RSPO4: variants seen among roughly 807,000 people sequenced by gnomAD.
RSPO4 encodes the protein R-spondin 4.
Under a neutral mutation model 24.8 loss-of-function variants are expected in RSPO4, and 23 were observed. That is an observed-to-expected ratio of 0.93 (90% CI 0.67 to 1.31). The LOEUF (loss-of-function observed/expected upper bound fraction) is 1.31, where lower values mean the gene tolerates loss of function less well. Among genes scored for constraint, RSPO4 ranks in the 40% most tolerant of loss-of-function variants. The probability of loss-of-function intolerance (pLI) is 0.00; values close to 1 mark genes in which losing one functional copy is unlikely to be tolerated. For missense variants in RSPO4, 333 were observed against 316.5 expected, an observed-to-expected ratio of 1.05 and a Z score of -0.39; for synonymous variants, 141 against 127.4, an observed-to-expected ratio of 1.11 and a Z score of -0.72.
At chr20:1,001,173 G>C (rs1985450519) in intron 1 of RSPO4, among the ~76,000 whole-genome samples, 1 of 152,198 alleles carries the variant, frequency 6.6e-6, no homozygotes, top group Admixed American at 6.5e-5. Flanking sequence ...GATGAGCTAG[G>C]ACATGAAAAA....
In RSPO4 at chr20:981,106, T is replaced by A. The variant is rs1339255785; in HGVS notation, c.80-12968A>T. Among the ~76,000 whole-genome samples, 22 of 152,196 alleles carry A rather than the reference T, an allele frequency of 1.4e-4. No homozygotes were observed. The highest frequency in any genetic ancestry group is 4.4e-5 in the Non-Finnish European group (3 of 68,028). On this transcript the variant is annotated intron_variant, in intron 1 of 4. Coordinates refer to ENST00000217260, the MANE Select transcript of RSPO4 (RefSeq NM_001029871.4). The surrounding 1 kb of genome is among the most constrained non-coding windows in gnomAD (Gnocchi z 4.6). The stretch of plus-strand genomic sequence containing the variant: ...GTGAAGGCTCAAAGACCAACAATTA[T>A]AGGTGGTGGCATTAGATTTAAACCC...
chr20:996,084 G>T (rs1985275027), intron 1 of RSPO4, among the ~76,000 whole-genome samples: 1 of 152,204 alleles, frequency 6.6e-6, no homozygotes, highest in South Asian at 2.1e-4. Flanking sequence ...TTTTTGTGTT[G>T]CCTGTGAGCT....
At chr20:972,915 T>G (rs959627805) in intron 1 of RSPO4, among the ~76,000 whole-genome samples, 6 of 152,206 alleles carry the variant, frequency 3.9e-5, no homozygotes, top group Non-Finnish European at 7.3e-5. Context: ...GACTTCAAAT[T>G]ACAAATTAAT....
Position 960,164 on chromosome 20 carries a change from T to C in RSPO4, c.*193A>G. 2 of 553,600 alleles carry C rather than the reference T, an allele frequency of 3.6e-6. No individual in the cohort carries two copies. The highest frequency in any genetic ancestry group is 3.2e-6 in the Non-Finnish European group (1 of 313,052). The allele number at this position is 553,600 out of a possible 1,614,324, so 34.3% of individuals were successfully genotyped here. A position where few individuals can be genotyped will look rare whatever the true frequency, so the allele number is the denominator to read the frequency against. On this transcript the variant is annotated 3_prime_UTR_variant, in exon 5 of 5. Transcript: ENST00000217260. The stretch of plus-strand genomic sequence containing the variant: ...GGGAGAAAGGAGAGGAGAATGGAGG[T>C]GGAAGAAATAAAGGAAATAAAAAAG...
At chr20:960,511 G>A (rs1274964522) in intron 4 of RSPO4, 45 bp from the exon 5 acceptor site, 11 of 1,399,284 alleles carry the variant, frequency 7.9e-6, no homozygotes, top group East Asian at 2.5e-5. Context: ...TGCAGGGCCA[G>A]TTAGGTCCTG....
chr20:961,081 G>T (rs567204), intron 4 of RSPO4, among the ~76,000 whole-genome samples: 152,303 of 152,304 alleles, frequency 1, 76,151 homozygotes, highest in Non-Finnish European at 1. Flanking sequence ...TCTGTGCCAG[G>T]CTACCTTTCC....
In RSPO4 at chr20:960,410, T is replaced by G. The variant is rs773501751; in HGVS notation, c.652A>C (p.Lys218Gln). 3.9e-6 allele frequency: 6 copies of G among 1,539,732 alleles called. No individual in the cohort carries two copies. The South Asian group carries it at 7.1e-5, about 18-fold the overall frequency. ...CTCACGTCCAGCCTGCGGTCCAGCT[T>G]CCTGTCCTTGCGTGGGCGCCGGTCC... is the stretch of plus-strand genomic sequence containing the variant. The part of the protein sequence containing the change: ...RKDRRPRKDR[K>Q]LDRRLDVRPR... Residue 218 changes from lysine (K) to glutamine (Q), a missense_variant, in exon 5 of 5, where the codon AAG becomes CAG. Coordinates refer to ENST00000217260, the MANE Select transcript of RSPO4 (RefSeq NM_001029871.4).
intron 1 of RSPO4, among the ~76,000 whole-genome samples, chr20:975,728 C>G (rs950080174): frequency 6.6e-6 from 1 of 152,156 alleles, no homozygotes; most frequent in African/African-American, 2.4e-5. Flanking sequence ...ATTACTGAGC[C>G]CCTATTCTGG....
Position 968,110 on chromosome 20 carries a change from T to A in RSPO4, c.108A>T (p.Thr36=). ...TCTCCTCTGAGCAGATGATACAGCC[T>A]GTGCAGTTGCCCCCCAGGCCAGTGC... ...QVGTGLGGNC[T]GCIICSEENG... Residue 36 remains threonine, a synonymous_variant, in exon 2 of 5, where the codon ACA becomes ACT. Transcript: ENST00000217260. The A allele has an allele frequency of 1.9e-6, 3 of 1,614,128 alleles. No homozygotes were observed. The highest frequency in any genetic ancestry group is 2.5e-6 in the Non-Finnish European group (3 of 1,180,008).
At chr20:969,856 T>A (rs1458651304) in intron 1 of RSPO4, among the ~76,000 whole-genome samples, 1 of 152,278 alleles carries the variant, frequency 6.6e-6, no homozygotes, top group East Asian at 1.9e-4. Flanking sequence ...AATGGTTTCA[T>A]GTTTATATGT....
rs764990656 is a variant in RSPO4 at position 964,083 on chromosome 20, G to A, written c.447C>T (p.Pro149=). ...CELGPWGGWS[P]CTHNGKTCGS... is the part of the protein sequence containing the mutation. ...CGCAGGTCTTTCCATTGTGTGTGCAGGGGCTCCAGCCGCCCCAGGGACCCA... is the reference window on the plus strand; with the variant it reads ...CGCAGGTCTTTCCATTGTGTGTGCAAGGGCTCCAGCCGCCCCAGGGACCCA... The change falls in exon 4 of 5, where the codon CCC becomes CCT. Residue 149 remains proline (P), a synonymous_variant. Transcript: ENST00000217260. The A allele has an allele frequency of 1.2e-5, 19 of 1,613,650 alleles. No individual in the cohort carries two copies. The highest frequency in any genetic ancestry group is 1.6e-5 in the Non-Finnish European group (19 of 1,179,920).
intron 2 of RSPO4, among the ~76,000 whole-genome samples, chr20:967,725 G>A (rs188277792): frequency 5.3e-5 from 8 of 152,370 alleles, no homozygotes; most frequent in Admixed American, 4.6e-4. Flanking sequence ...CCACAAACTA[G>A]GGTAGAAGTG....
chr20:979,875 C>A (rs371706146), intron 1 of RSPO4, among the ~76,000 whole-genome samples: 1 of 152,058 alleles, frequency 6.6e-6, no homozygotes, highest in African/African-American at 2.4e-5. Flanking sequence ...TCCTCTCCCA[C>A]GTCGCTATGT....
chr20:996,453 A>G (rs1167803324), intron 1 of RSPO4, among the ~76,000 whole-genome samples: 1 of 152,170 alleles, frequency 6.6e-6, no homozygotes, highest in African/African-American at 2.4e-5. Flanking sequence ...TCCTCGGCTG[A>G]GGCTGAGACC....
chr20:993,372 C>T (rs1985173362), intron 1 of RSPO4, among the ~76,000 whole-genome samples: 1 of 152,212 alleles, frequency 6.6e-6, no homozygotes, highest in South Asian at 2.1e-4. Context: ...CAGACCATTC[C>T]CGAAGGGATC....
At position 970,736 on chromosome 20, in the gene RSPO4, C is replaced by G. The variant is rs977798072; in HGVS notation, c.80-2598G>C. Among the ~76,000 whole-genome samples the G allele has an allele frequency of 6.6e-6, 1 of 152,178 alleles. No individual in the cohort carries two copies. The highest frequency in any genetic ancestry group is 1.5e-5 in the Non-Finnish European group (1 of 68,026). ...CAGAGCTGGCAAGAATGAGAGGAAA[C>G]CTTCGCTTTTTCACCTTAGATAGGA... On this transcript the variant is annotated intron_variant, in intron 1 of 4. Transcript: ENST00000217260. The surrounding 1 kb of genome is among the most constrained non-coding windows in gnomAD (Gnocchi z 4.1).
chr20:984,050 G>C (rs988000544), intron 1 of RSPO4, among the ~76,000 whole-genome samples: 1 of 152,144 alleles, frequency 6.6e-6, no homozygotes, highest in African/African-American at 2.4e-5. Context: ...AGAAAGCTTA[G>C]AAATAGGCCA....
chr20:974,764 G>A (rs926285156), intron 1 of RSPO4, among the ~76,000 whole-genome samples: 1 of 152,168 alleles, frequency 6.6e-6, no homozygotes, highest in African/African-American at 2.4e-5. Flanking sequence ...GGAGAATGGA[G>A]GCCATACAGC....
At chr20:976,663 A>C (rs1984574745) in intron 1 of RSPO4, among the ~76,000 whole-genome samples, 6 of 151,916 alleles carry the variant, frequency 3.9e-5, no homozygotes, top group Admixed American at 3.3e-4. Context: ...AACTTCCCTG[A>C]GGGGTCAAAA....
Sources: allele counts gnomAD v4.1 joint callset (sites outside exome capture counted in the v4.1 genomes callset), GRCh38; gene constraint gnomAD v4.1.1; non-coding constraint Gnocchi (gnomAD v3.1); transcripts MANE v1.5; gene names NCBI Gene and HGNC (gene_info 2026-07-23, HGNC 2026-07-21).